Variants in ARHGAP27 observed in about 807,000 individuals in gnomAD.
ARHGAP27 encodes rho GTPase-activating protein 27.
Under a neutral mutation model 102.0 loss-of-function variants are expected in ARHGAP27, and 53 were observed. That is an observed-to-expected ratio of 0.52 (90% CI 0.42 to 0.65). The LOEUF (loss-of-function observed/expected upper bound fraction) is 0.65, where lower values mean the gene tolerates loss of function less well. Ranked by LOEUF, ARHGAP27 falls within the 30% of genes least tolerant of loss-of-function variation. The probability of loss-of-function intolerance (pLI) is 0.00; values close to 1 mark genes in which losing one functional copy is unlikely to be tolerated. For missense variants in ARHGAP27, 1,117 were observed against 1,256.2 expected, an observed-to-expected ratio of 0.89 and a Z score of 1.68; for synonymous variants, 525 against 542.8, an observed-to-expected ratio of 0.97 and a Z score of 0.46.
chr17:45,401,956 C>G (rs1358777740), intron 12 of ARHGAP27, among the ~76,000 whole-genome samples: 1 of 152,170 alleles, frequency 6.6e-6, no homozygotes, highest in Non-Finnish European at 1.5e-5. Flanking sequence ...ACGTGTGTTT[C>G]TGTTGTGATC....
At position 45,418,122 on chromosome 17, in the gene ARHGAP27, T is replaced by C. The variant is rs573107855; in HGVS notation, c.657+11501A>G. 3.3e-5 allele frequency among the ~76,000 whole-genome samples: 5 copies of C among 151,784 alleles called. No individual in the cohort carries two copies. In the East Asian group the frequency reaches 7.7e-4, roughly 23 times the overall value. On this transcript the variant is annotated intron_variant, in intron 4 of 19. Coordinates refer to ENST00000685559, the MANE Select transcript of ARHGAP27 (RefSeq NM_001282290.2). Reference sequence around the variant, plus strand: ...AGTTTTAAATTTGTTTACTTATTTTTAATATAGAGGCGAGGTCTCACTGCG... The same window carrying C: ...AGTTTTAAATTTGTTTACTTATTTTCAATATAGAGGCGAGGTCTCACTGCG...
In ARHGAP27 at chr17:45,404,691, G is replaced by A. The variant is rs1465717633; in HGVS notation, c.1249-10C>T. ...CCTCCAGCCTCACCCACTGTGGGGA[G>A]AGGAATGGTCAGGGCCTCCAGCCCA... On this transcript the variant is annotated splice_polypyrimidine_tract_variant and intron_variant, in intron 6 of 19. Coordinates refer to ENST00000685559, the MANE Select transcript of ARHGAP27 (RefSeq NM_001282290.2). The A allele has an allele frequency of 6.2e-7, 1 of 1,608,124 alleles. No homozygotes were observed. Among genetic ancestry groups the A allele is most frequent in the Non-Finnish European group, 8.5e-7 (1 of 1,178,218 alleles).
intron 4 of ARHGAP27, among the ~76,000 whole-genome samples, chr17:45,426,010 C>T (rs1020014794): frequency 3.9e-5 from 6 of 152,124 alleles, no homozygotes; most frequent in Non-Finnish European, 5.9e-5. Flanking sequence ...ATCAACTCTT[C>T]CACAACAGGG....
chr17:45,420,097 T>A (rs2048882874), intron 4 of ARHGAP27, among the ~76,000 whole-genome samples: 1 of 152,194 alleles, frequency 6.6e-6, no homozygotes, highest in South Asian at 2.1e-4. Context: ...ACTTCTGCAA[T>A]TTTTCCTACT....
chr17:45,397,278 T>G lies in ARHGAP27; in HGVS notation c.1843-254A>C, dbSNP rs1158233480. On this transcript the variant is annotated intron_variant, in intron 13 of 19. Transcript: ENST00000685559. ...TGTTCTCCCACACCCCTTCCTATCC[T>G]GGGGACTCCTACCCACCTGGTGCCT... 2.9e-6 allele frequency: 4 copies of G among 1,372,758 alleles called. No homozygotes were observed. The African/African-American group carries it at 5.9e-5, about 20-fold the overall frequency. 85.0% of individuals were successfully genotyped at this position (1,372,758 alleles called of 1,614,324 possible). A position where few individuals can be genotyped will look rare whatever the true frequency, so the allele number is the denominator to read the frequency against.
At position 45,417,540 on chromosome 17, in the gene ARHGAP27, G is replaced by A. The variant is rs143163949; in HGVS notation, c.658-11457C>T. ...CCAGCACCTTGGGAGGCAGAGGTAGGTGGATCATTTGAGATCAGGAGTTCG... is the reference window on the plus strand; with the variant it reads ...CCAGCACCTTGGGAGGCAGAGGTAGATGGATCATTTGAGATCAGGAGTTCG... On this transcript the variant is annotated intron_variant, in intron 4 of 19. Transcript: ENST00000685559. Among the ~76,000 whole-genome samples, 454 of 152,216 alleles carry A rather than the reference G, an allele frequency of 3.0e-3. 15 individuals are homozygous for A. The East Asian group carries it at 0.067, about 22-fold the overall frequency.
Position 45,395,525 on chromosome 17 carries a change from G to A in ARHGAP27, c.2601C>T (p.Thr867=). The change falls in exon 20 of 20, where the codon ACC becomes ACT. Residue 867 remains threonine (T), a synonymous_variant. Coordinates refer to ENST00000685559, the MANE Select transcript of ARHGAP27 (RefSeq NM_001282290.2). ...CCACCACCTGGTTCTGGAACACCAT[G>A]GTCATGGGCATGCTGGTCTCTTCCA... is the stretch of plus-strand genomic sequence containing the variant. ...PEVEETSMPM[T]MVFQNQVVEL... is the part of the protein sequence containing the mutation. 1 of 1,600,630 alleles carries A rather than the reference G, an allele frequency of 6.2e-7. No individual in the cohort carries two copies. Among genetic ancestry groups the A allele is most frequent in the Non-Finnish European group, 8.5e-7 (1 of 1,173,740 alleles).
Position 45,395,234 on chromosome 17 carries a change from G to C in ARHGAP27, c.*222C>G. On this transcript the variant is annotated 3_prime_UTR_variant, in exon 20 of 20. Transcript: ENST00000685559. ...AATTAACCCCCAAACAGGACGTGAC[G>C]GGAAGGGAAGGGGGGATGGGGAGTT... The C allele has an allele frequency of 1.7e-6, 1 of 600,686 alleles. No individual in the cohort carries two copies. Among genetic ancestry groups the C allele is most frequent in the Non-Finnish European group, 2.9e-6 (1 of 347,188 alleles). 37.2% of individuals were successfully genotyped at this position (600,686 alleles called of 1,614,324 possible).
chr17:45,404,916 G>A lies in ARHGAP27; in HGVS notation c.1248+8C>T, dbSNP rs2046947328. The A allele has an allele frequency of 2.5e-6, 4 of 1,614,008 alleles. No homozygotes were observed. The highest frequency in any genetic ancestry group is 1.1e-5 in the South Asian group (1 of 91,090). On this transcript the variant is annotated splice_region_variant and intron_variant, in intron 6 of 19. Transcript: ENST00000685559. ...GGCTGTCCGGGTCCATCTGCCCCCT[G>A]CCCCTACCTGCTCCTGAGTGAAGTG...
intron 4 of ARHGAP27, among the ~76,000 whole-genome samples, chr17:45,417,623 C>T (rs1234992403): frequency 7.9e-5 from 12 of 151,594 alleles, no homozygotes; most frequent in Admixed American, 7.9e-4. Flanking sequence ...AAAAATTAGC[C>T]AGGTGTGGTG....
At chr17:45,410,436 C>G in intron 4 of ARHGAP27, 1 of 1,360,188 alleles carries the variant, frequency 7.4e-7, no homozygotes, top group Non-Finnish European at 9.4e-7. Flanking sequence ...CATTTCCTGT[C>G]AGGGCTGCGG....
At chr17:45,429,274 C>G (rs1345618497) in intron 4 of ARHGAP27, 1 of 668,424 alleles carries the variant, frequency 1.5e-6, no homozygotes, top group Non-Finnish European at 2.3e-6. Context: ...AGCCGACCAT[C>G]GAGCTCATTT....
At position 45,395,141 on chromosome 17, in the gene ARHGAP27, A is replaced by G. The variant is rs8327; in HGVS notation, c.*315T>C. ...CTCCCAGCACCTACCATTCCAGAAAACAAACTCTCACCCCCACACACGCTA... is the reference window on the plus strand; with the variant it reads ...CTCCCAGCACCTACCATTCCAGAAAGCAAACTCTCACCCCCACACACGCTA... On this transcript the variant is annotated 3_prime_UTR_variant, in exon 20 of 20. Coordinates refer to ENST00000685559, the MANE Select transcript of ARHGAP27 (RefSeq NM_001282290.2). 0.26 allele frequency: 106,247 copies of G among 413,192 alleles called. 15,069 individuals are homozygous for G. The highest frequency in any genetic ancestry group is 0.37 in the East Asian group (8,006 of 21,586). The allele number at this position is 413,192 out of a possible 1,614,324, so 25.6% of individuals were successfully genotyped here.
rs1178127131 is a variant in ARHGAP27, at chr17:45,397,018, C to T, written c.1849G>A (p.Glu617Lys). The T allele has an allele frequency of 6.2e-7, 1 of 1,603,124 alleles. No individual in the cohort carries two copies. The highest frequency in any genetic ancestry group is 8.5e-7 in the Non-Finnish European group (1 of 1,179,960). ...IAQGIQELSA[E>K]LPPEESESSR... ...CTCTCGCTCTCCTCTGGGGGCAGCT[C>T]TGCGGACTGGATTCCCATAGCCTCA... The change falls in exon 14 of 20, where the codon GAG becomes AAG. Residue 617 changes from glutamate to lysine, a missense_variant. Coordinates refer to ENST00000685559, the MANE Select transcript of ARHGAP27 (RefSeq NM_001282290.2).
chr17:45,402,926 C>T, intron 11 of ARHGAP27, 108 bp from the exon 12 acceptor site: 1 of 994,692 alleles, frequency 1.0e-6, no homozygotes. Flanking sequence ...CAGGAAACAA[C>T]TCTGGGGAAA....
At chr17:45,422,771 A>T (rs1329142091) in intron 4 of ARHGAP27, among the ~76,000 whole-genome samples, 1 of 152,258 alleles carries the variant, frequency 6.6e-6, no homozygotes, top group African/African-American at 2.4e-5. Flanking sequence ...TATCAGAATT[A>T]GAGTAAAAGA....
At chr17:45,423,279 T>A (rs559256345) in intron 4 of ARHGAP27, among the ~76,000 whole-genome samples, 1 of 152,318 alleles carries the variant, frequency 6.6e-6, no homozygotes, top group Admixed American at 6.5e-5. Context: ...TCATAATAAA[T>A]TTTAAAAGTG....
At chr17:45,429,553 G>A (rs749316351) in intron 4 of ARHGAP27, 70 bp downstream of exon 4, 265 of 1,561,018 alleles carry the variant, frequency 1.7e-4, no homozygotes, top group Non-Finnish European at 2.2e-4. Flanking sequence ...GTCTCCTTGC[G>A]CCCCGGCTCC....
intron 4 of ARHGAP27, chr17:45,425,451 C>A: frequency 1.8e-6 from 1 of 562,310 alleles, no homozygotes; most frequent in Non-Finnish European, 2.3e-6. Flanking sequence ...GGTGCTGGGC[C>A]TGGATCCAGA....
Sources: gnomAD v4.1 joint callset for allele counts (sites outside exome capture counted in the v4.1 genomes callset) on GRCh38, gnomAD v4.1.1 for gene constraint, MANE v1.5 for transcripts, NCBI Gene and HGNC (gene_info 2026-07-23, HGNC 2026-07-21) for gene names.